The following VPS13C variants were observed in gnomAD, a reference collection of about 807,000 sequenced individuals.
VPS13C encodes intermembrane lipid transfer protein VPS13C.
In VPS13C, 358 loss-of-function variants were observed where a neutral mutation model predicts 456.8. That is an observed-to-expected ratio of 0.78 (90% CI 0.72 to 0.86). The LOEUF (loss-of-function observed/expected upper bound fraction) is 0.86. VPS13C is among the 40% of genes least tolerant of loss of function. The pLI, the probability that VPS13C is intolerant of heterozygous loss-of-function variation, is 0.00. For synonymous variants in VPS13C, 1,578 were observed against 1,486.7 expected (o/e 1.06, Z -1.41); for missense variants, 4,818 against 4,385.4 (o/e 1.10, Z -2.79).
Position 62,007,337 on chromosome 15 carries a change from C to G in VPS13C, c.1261G>C (p.Val421Leu). The G allele has an allele frequency of 6.2e-7, 1 of 1,610,680 alleles. No individual in the cohort carries two copies. The highest frequency in any genetic ancestry group is 8.5e-7 in the Non-Finnish European group (1 of 1,178,818). Residue 421 changes from valine to leucine, a missense_variant, in exon 15 of 85, where the codon GTC (valine) becomes CTC (leucine). Physicochemically the swap from Val to Leu is conservative, Grantham distance 32. Around this residue, in one of 3 missense-constraint regions of VPS13C, gnomAD observed 4,552 missense variants for 4,130.6 expected, o/e 1.10. Coordinates refer to ENST00000644861, the MANE Select transcript of VPS13C (RefSeq NM_020821.3). Reference protein sequence around the residue: ...AYKNKLTQSKVSEEIQKEIQD... With the variant: ...AYKNKLTQSKLSEEIQKEIQD... ...ATTTCTTTCTGTATTTCTTCTGAGA[C>G]TTTAGACTGTGTTAACTTGTTTTTG...
chr15:62,035,385 AT>A (rs1434005877), intron 3 of VPS13C, among the ~76,000 whole-genome samples: 5 of 152,034 alleles, frequency 3.3e-5, no homozygotes, highest in Admixed American at 2.0e-4. Flanking sequence ...AGTTAAATTA[AT>A]TGCTTAAGTC....
intron 83 of VPS13C, among the ~76,000 whole-genome samples, chr15:61,856,023 T>C (rs909576892): frequency 6.6e-6 from 1 of 152,156 alleles, no homozygotes; most frequent in Non-Finnish European, 1.5e-5. Flanking sequence ...TCCTATTTAC[T>C]AATGCTTAAT....
At position 62,023,822 on chromosome 15, in the gene VPS13C, T is replaced by G. The variant is rs2047544164; in HGVS notation, c.472A>C (p.Lys158Gln). Residue 158 changes from lysine to glutamine, a missense_variant, in exon 7 of 85, where the codon AAA (lysine) becomes CAA (glutamine). By Grantham distance (53) the Lys-to-Gln change is moderately conservative (BLOSUM62 1). Coordinates refer to ENST00000644861, the MANE Select transcript of VPS13C (RefSeq NM_020821.3). ...KPGRKRKKHK[K>Q]HFKKPFKGLD... is the part of the protein sequence containing the mutation. Reference sequence around the variant, plus strand: ...CCTTTAAAAGGTTTCTTAAAATGTTTTTTGTGCTTTTTACGTTTACGTCCT... The same window carrying G: ...CCTTTAAAAGGTTTCTTAAAATGTTGTTTGTGCTTTTTACGTTTACGTCCT... 3 of 1,611,102 alleles carry G rather than the reference T, an allele frequency of 1.9e-6. No homozygotes were observed. The highest frequency in any genetic ancestry group is 1.3e-5 in the African/African-American group (1 of 74,866).
At chr15:61,876,837 G>A in intron 75 of VPS13C, 136 bp downstream of exon 75, 2 of 580,650 alleles carry the variant, frequency 3.4e-6, no homozygotes, top group Non-Finnish European at 5.5e-6. Flanking sequence ...ATTAATCATT[G>A]AAGAAAGCCA....
At chr15:62,048,429 G>A (rs2048502773) in intron 1 of VPS13C, among the ~76,000 whole-genome samples, 1 of 152,062 alleles carries the variant, frequency 6.6e-6, no homozygotes, top group Non-Finnish European at 1.5e-5. Flanking sequence ...CAAAGGACAT[G>A]AACTCATCCT....
At chr15:61,874,138 T>C (rs765448990) in intron 77 of VPS13C, among the ~76,000 whole-genome samples, 9 of 151,978 alleles carry the variant, frequency 5.9e-5, no homozygotes, top group Non-Finnish European at 1.3e-4. Flanking sequence ...GTTGAACTCA[T>C]AGAATTAGAG....
At chr15:61,881,670 T>C in intron 70 of VPS13C, 38 bp from the exon 71 acceptor site, 1 of 1,605,292 alleles carries the variant, frequency 6.2e-7, no homozygotes. Flanking sequence ...AAAATAATGC[T>C]TTATACTAGG....
chr15:61,910,790 A>C (rs1483997699), intron 63 of VPS13C, among the ~76,000 whole-genome samples: 1 of 152,132 alleles, frequency 6.6e-6, no homozygotes. Flanking sequence ...TTGATATCAG[A>C]CCATATACTT....
chr15:61,869,524 C>G lies in VPS13C; in HGVS notation c.10724G>C (p.Ser3575Thr), dbSNP rs1166234605. The change falls in exon 80 of 85, where the codon AGT becomes ACT. Residue 3575 changes from serine to threonine, a missense_variant. By Grantham distance (58) the Ser-to-Thr change is moderately conservative. Coordinates refer to ENST00000644861, the MANE Select transcript of VPS13C (RefSeq NM_020821.3). ...RPTGGIVDMA[S>T]STFQGIQRAA... Reference sequence around the variant, plus strand: ...CCTCTGAATGCCTTGGAAGGTACTACTGGCCATATCTACGATTCCACCAGT... The same window carrying G: ...CCTCTGAATGCCTTGGAAGGTACTAGTGGCCATATCTACGATTCCACCAGT... The G allele has an allele frequency of 2.5e-6, 4 of 1,614,058 alleles. No individual in the cohort carries two copies. The highest frequency in any genetic ancestry group is 3.4e-6 in the Non-Finnish European group (4 of 1,180,032).
At chr15:62,055,459 T>C (rs1233271973) in intron 1 of VPS13C, among the ~76,000 whole-genome samples, 1 of 150,870 alleles carries the variant, frequency 6.6e-6, no homozygotes, top group African/African-American at 2.4e-5. Context: ...GCCAGGATGG[T>C]CTCGATCTCC....
intron 51 of VPS13C, among the ~76,000 whole-genome samples, chr15:61,927,842 C>T (rs1225641431): frequency 6.6e-6 from 1 of 152,174 alleles, no homozygotes; most frequent in Non-Finnish European, 1.5e-5. Context: ...CACATATACA[C>T]CATGGAATAC....
chr15:62,050,045 C>T (rs962197734), intron 1 of VPS13C, among the ~76,000 whole-genome samples: 14 of 152,202 alleles, frequency 9.2e-5, no homozygotes, highest in African/African-American at 3.4e-4. Flanking sequence ...ATGTCATCTG[C>T]AAACAGGGAC....
intron 15 of VPS13C, among the ~76,000 whole-genome samples, chr15:62,006,886 G>C (rs888616387): frequency 1.3e-5 from 2 of 151,792 alleles, no homozygotes; most frequent in Admixed American, 6.6e-5. Flanking sequence ...TGTGTTTTTT[G>C]GCTGCATAAA....
Position 61,890,233 on chromosome 15 carries a change from G to C in VPS13C, c.9273C>G (p.Leu3091=). The change falls in exon 67 of 85, where the codon CTC becomes CTG. Residue 3091 remains leucine (L), a synonymous_variant. Coordinates refer to ENST00000644861, the MANE Select transcript of VPS13C (RefSeq NM_020821.3). ...EQADYEITLS[L]HSLGLSLVNN... ...TAACCAGTGAAAGCCCAAGACTGTG[G>C]AGAGACAAGGTTATTTCATAATCAG... is the stretch of plus-strand genomic sequence containing the variant. 6.2e-7 allele frequency: 1 copy of C among 1,614,036 alleles called. No individual in the cohort carries two copies. Among genetic ancestry groups the C allele is most frequent in the Non-Finnish European group, 8.5e-7 (1 of 1,179,996 alleles).
chr15:61,945,054 A>T (rs1391377944), intron 45 of VPS13C, among the ~76,000 whole-genome samples: 2 of 152,134 alleles, frequency 1.3e-5, no homozygotes, highest in East Asian at 3.9e-4. Flanking sequence ...GTGAGTTCTC[A>T]TGAGATCTGA....
chr15:61,907,032 C>A, intron 66 of VPS13C: 1 of 452,634 alleles, frequency 2.2e-6, no homozygotes, highest in South Asian at 2.5e-5. Context: ...TTTACATAGG[C>A]AAGATAAAGC....
At chr15:61,889,867 C>T (rs1209905673) in intron 67 of VPS13C, among the ~76,000 whole-genome samples, 1 of 150,838 alleles carries the variant, frequency 6.6e-6, no homozygotes, top group East Asian at 1.9e-4. Context: ...ATTTTTGTAA[C>T]TCATTAAACA....
chr15:61,943,498 A>T (rs1446282223), intron 45 of VPS13C, among the ~76,000 whole-genome samples: 1 of 152,180 alleles, frequency 6.6e-6, no homozygotes, highest in Admixed American at 6.5e-5. Context: ...GACAAAGTCA[A>T]CAAAAAATAG....
intron 16 of VPS13C, among the ~76,000 whole-genome samples, chr15:61,995,051 A>G (rs1455554678): frequency 6.6e-6 from 1 of 152,220 alleles, no homozygotes; most frequent in Non-Finnish European, 1.5e-5. Context: ...ACAGCAAAGA[A>G]TCATACTGTT....
Sources: gnomAD v4.1 joint callset for allele counts (sites outside exome capture counted in the v4.1 genomes callset) on GRCh38, gnomAD v4.1.1 for gene constraint, gnomAD v4.1.1 regional missense constraint, MANE v1.5 for transcripts, NCBI Gene and HGNC (gene_info 2026-07-23, HGNC 2026-07-21) for gene names.